The following GPSM2 variants were observed in gnomAD, a reference collection of about 807,000 sequenced individuals.
The protein encoded by GPSM2 is G protein signaling modulator 2.
In GPSM2, 58 loss-of-function variants were observed where a neutral mutation model predicts 78.4. That is an observed-to-expected ratio of 0.74 (90% CI 0.60 to 0.92). GPSM2 has a LOEUF of 0.92. Among genes scored for constraint, GPSM2 ranks in the 40% least tolerant of loss-of-function variants. The probability of loss-of-function intolerance (pLI) is 0.00; values close to 1 mark genes in which losing one functional copy is unlikely to be tolerated. For synonymous variants in GPSM2, 224 were observed against 280.2 expected, an observed-to-expected ratio of 0.80 and a Z score of 2.00; for missense variants, 700 against 815.5, an observed-to-expected ratio of 0.86 and a Z score of 1.73.
At chr1:108,921,366 G>A (rs1383146971) in intron 12 of GPSM2, among the ~76,000 whole-genome samples, 1 of 151,286 alleles carries the variant, frequency 6.6e-6, no homozygotes, top group Non-Finnish European at 1.5e-5. Flanking sequence ...GTTGCAGTGA[G>A]TCAAGATCAT....
At chr1:108,917,393 C>T (rs1408506358) in intron 11 of GPSM2, among the ~76,000 whole-genome samples, 5 of 151,016 alleles carry the variant, frequency 3.3e-5, no homozygotes, top group South Asian at 4.2e-4. Flanking sequence ...TGGTGAAACC[C>T]CGTCTCTACT....
rs1017471575 is a variant in GPSM2, at chr1:108,930,676, G to T, written c.*736G>T. On this transcript the variant is annotated 3_prime_UTR_variant, in exon 15 of 15. Transcript: ENST00000264126. The stretch of plus-strand genomic sequence containing the variant: ...GGCCGAAGCGGGCGGATCACTTGAG[G>T]TCGGGAGTTTGAGACCAGCCTGGCC... 1 of 152,238 alleles carries T rather than the reference G, an allele frequency of 6.6e-6. No individual in the cohort carries two copies. The highest frequency in any genetic ancestry group is 6.6e-5 in the Admixed American group (1 of 15,254). 9.4% of individuals were successfully genotyped at this position (152,238 alleles called of 1,614,324 possible).
intron 10 of GPSM2, among the ~76,000 whole-genome samples, chr1:108,909,183 A>G (rs1649508249): frequency 6.6e-6 from 1 of 151,786 alleles, no homozygotes. Context: ...TTGTGTGAAG[A>G]TTTTGTTGTA....
Position 108,901,814 on chromosome 1 carries a change from G to A in GPSM2, c.822G>A (p.Gln274=), listed in dbSNP as rs1648847783. The A allele has an allele frequency of 1.2e-6, 2 of 1,612,216 alleles. No homozygotes were observed. Among genetic ancestry groups the A allele is most frequent in the Admixed American group, 3.3e-5 (2 of 60,004 alleles). ...GGAAGACACTACTGTTGGCCCGACA[G>A]CTTAAAGACCGAGCTGTAGAAGCAC... ...YYKKTLLLAR[Q]LKDRAVEAQS... Residue 274 remains glutamine, a synonymous_variant, in exon 8 of 15, where the codon CAG becomes CAA. Coordinates refer to ENST00000264126, the MANE Select transcript of GPSM2 (RefSeq NM_013296.5).
Position 108,898,930 on chromosome 1 carries a change from T to A in GPSM2, c.733T>A (p.Tyr245Asn). ...FGDKAAERRA[Y>N]SNLGNAYIFL... ...AGATAAAGCAGCTGAAAGAAGAGCA[T>A]ATAGCAACCTTGGAAATGCATATAT... Residue 245 changes from tyrosine (Y) to asparagine (N), a missense_variant, in exon 7 of 15, where the codon TAT becomes AAT. Physicochemically the swap from Tyr to Asn is moderately radical, Grantham distance 143. Transcript: ENST00000264126. 1 of 1,613,466 alleles carries A rather than the reference T, an allele frequency of 6.2e-7. No homozygotes were observed. The highest frequency in any genetic ancestry group is 1.3e-5 in the African/African-American group (1 of 75,038).
intron 11 of GPSM2, among the ~76,000 whole-genome samples, chr1:108,916,270 AAAG>A (rs899072775): frequency 1.6e-4 from 25 of 152,102 alleles, no homozygotes; most frequent in Middle Eastern, 3.4e-3. Flanking sequence ...GAAAAAAAAA[AAAG>A]AAAAAGGAAC....
chr1:108,903,403 G>A (rs1217896839), intron 9 of GPSM2, among the ~76,000 whole-genome samples, 169 bp downstream of exon 9: 2 of 152,176 alleles, frequency 1.3e-5, no homozygotes, highest in Admixed American at 1.3e-4. Flanking sequence ...ACAGATCACA[G>A]TTATGTTTGT....
Position 108,931,358 on chromosome 1 carries a change from A to G in GPSM2, c.*1418A>G, listed in dbSNP as rs1176009860. 6 of 1,550,476 alleles carry G rather than the reference A, an allele frequency of 3.9e-6. No homozygotes were observed. Among genetic ancestry groups the G allele is most frequent in the Admixed American group, 3.9e-5 (2 of 50,954 alleles). ...GGGGATGATAACAAAGTAACTAACT[A>G]ACTGTAGCAAAAGACAAGTATGGGA... is the stretch of plus-strand genomic sequence containing the variant. On this transcript the variant is annotated 3_prime_UTR_variant, in exon 15 of 15. Coordinates refer to ENST00000264126, the MANE Select transcript of GPSM2 (RefSeq NM_013296.5).
chr1:108,888,627 G>T (rs1161687791), intron 2 of GPSM2, among the ~76,000 whole-genome samples: 1 of 152,230 alleles, frequency 6.6e-6, no homozygotes, highest in African/African-American at 2.4e-5. Flanking sequence ...GGAATGAGCT[G>T]CCGTGCCCAG....
At chr1:108,888,362 C>A (rs181105508) in intron 2 of GPSM2, among the ~76,000 whole-genome samples, 1 of 151,400 alleles carries the variant, frequency 6.6e-6, no homozygotes, top group African/African-American at 2.4e-5. Flanking sequence ...TTTTTTTCCC[C>A]GTTGAGACAG....
chr1:108,901,755 A>C, intron 7 of GPSM2, 35 bp from the exon 8 acceptor site: 4 of 1,520,124 alleles, frequency 2.6e-6, no homozygotes, highest in Non-Finnish European at 3.7e-6. Context: ...CAAACTGAGA[A>C]TGATCATTAT....
chr1:108,904,757 CT>C (rs546450076), intron 10 of GPSM2, among the ~76,000 whole-genome samples: 12 of 149,328 alleles, frequency 8.0e-5, no homozygotes, highest in South Asian at 2.1e-4. Context: ...ATTTTTCTTT[CT>C]TTTTTTTTGG....
Position 108,885,511 on chromosome 1 carries a change from TA to T in GPSM2, c.-10del. 2 of 1,449,804 alleles carry T rather than the reference TA, an allele frequency of 1.4e-6. No homozygotes were observed. Among genetic ancestry groups the T allele is most frequent in the Non-Finnish European group, 1.9e-6 (2 of 1,030,720 alleles). The allele number at this position is 1,449,804 out of a possible 1,614,324, so 89.8% of individuals were successfully genotyped here. A position where few individuals can be genotyped will look rare whatever the true frequency, so the allele number is the denominator to read the frequency against. The stretch of plus-strand genomic sequence containing the variant: ...AAATAATTTTATTTTATTCAGCTTA[TA>T]ATATGACTCGATGGAGGAAAATTTG... On this transcript the variant is annotated 5_prime_UTR_variant, in exon 2 of 15. Coordinates refer to ENST00000264126, the MANE Select transcript of GPSM2 (RefSeq NM_013296.5).
At chr1:108,923,018 A>G (rs1650845774) in intron 13 of GPSM2, among the ~76,000 whole-genome samples, 1 of 152,164 alleles carries the variant, frequency 6.6e-6, no homozygotes, top group African/African-American at 2.4e-5. Flanking sequence ...AAAAATATAT[A>G]AAAATAAAAT....
At chr1:108,887,223 C>G (rs1216263700) in intron 2 of GPSM2, among the ~76,000 whole-genome samples, 2 of 152,108 alleles carry the variant, frequency 1.3e-5, no homozygotes, top group Non-Finnish European at 2.9e-5. Context: ...TCTCCAAATT[C>G]TGAAATGTTG....
chr1:108,897,364 G>A (rs1471812452), intron 3 of GPSM2, 128 bp from the exon 4 acceptor site: 22 of 860,356 alleles, frequency 2.6e-5, no homozygotes, highest in Non-Finnish European at 4.0e-5. Context: ...AAAGCCAATG[G>A]GTTTTTCTTA....
Position 108,925,121 on chromosome 1 carries a change from T to G in GPSM2, c.1815+907T>G, listed in dbSNP as rs190514855. 2.0e-5 allele frequency among the ~76,000 whole-genome samples: 3 copies of G among 152,290 alleles called. No individual in the cohort carries two copies. In the East Asian group the frequency reaches 5.8e-4, roughly 29 times the overall value. ...AGTAGAGGGTTTCAGGGAAAGAGAA[T>G]CAAGGATGACTTATACCTTGAATAA... On this transcript the variant is annotated intron_variant, in intron 14 of 14. Coordinates refer to ENST00000264126, the MANE Select transcript of GPSM2 (RefSeq NM_013296.5).
At chr1:108,898,489 G>T (rs1394370232) in intron 5 of GPSM2, among the ~76,000 whole-genome samples, 153 bp from the exon 6 acceptor site, 1 of 152,158 alleles carries the variant, frequency 6.6e-6, no homozygotes, top group African/African-American at 2.4e-5. Context: ...TCCTATAATT[G>T]CTCTTCATCA....
intron 11 of GPSM2, among the ~76,000 whole-genome samples, chr1:108,917,611 C>CACACACAT (rs1312607573): frequency 5.3e-4 from 12 of 22,700 alleles, no homozygotes; most frequent in African/African-American, 7.1e-4. Flanking sequence ...CACACACACA[C>CACACACAT]ATATATATAT....
Sources: gnomAD v4.1 joint callset for allele counts (sites outside exome capture counted in the v4.1 genomes callset) on GRCh38, gnomAD v4.1.1 for gene constraint, MANE v1.5 for transcripts, NCBI Gene and HGNC (gene_info 2026-07-23, HGNC 2026-07-21) for gene names.